The following ZSWIM9 variants were observed in gnomAD, a reference collection of about 807,000 sequenced individuals.
ZSWIM9 encodes zinc finger SWIM-type containing 9, also known as uncharacterized protein ZSWIM9.
ZSWIM9 carries 11 observed loss-of-function variants against 25.0 expected under a neutral mutation model. That is an observed-to-expected ratio of 0.44 (90% CI 0.28 to 0.73). The LOEUF (loss-of-function observed/expected upper bound fraction) is 0.73, where lower values mean the gene tolerates loss of function less well. Among genes scored for constraint, ZSWIM9 ranks in the 30% least tolerant of loss-of-function variants. ZSWIM9 has a pLI of 0.16. For synonymous variants in ZSWIM9, 562 were observed against 582.1 expected (o/e 0.97, Z 0.50); for missense variants, 1,070 against 1,296.5 (o/e 0.83, Z 2.68).
intron 3 of ZSWIM9, among the ~76,000 whole-genome samples, chr19:48,190,911 A>G (rs1308806920): frequency 6.6e-6 from 1 of 152,184 alleles, no homozygotes; most frequent in African/African-American, 2.4e-5. Context: ...TTATGTTGCT[A>G]TGTGCTGAAA....
intron 3 of ZSWIM9, among the ~76,000 whole-genome samples, chr19:48,192,472 A>ATGTATGT (rs1255944064): frequency 2.0e-4 from 5 of 24,990 alleles, no homozygotes; most frequent in Non-Finnish European, 4.0e-4. Context: ...AAAAAAAAAA[A>ATGTATGT]AAAAAAAAAT....
At chr19:48,190,888 G>A (rs2037085569) in intron 3 of ZSWIM9, among the ~76,000 whole-genome samples, 1 of 152,174 alleles carries the variant, frequency 6.6e-6, no homozygotes, top group South Asian at 2.1e-4. Flanking sequence ...AACAGCTGGT[G>A]ACTTGATTTT....
intron 2 of ZSWIM9, among the ~76,000 whole-genome samples, chr19:48,178,865 C>T (rs1167819189): frequency 7.9e-5 from 12 of 152,184 alleles, no homozygotes; most frequent in African/African-American, 2.7e-4. Context: ...TCAGCCACCA[C>T]GCCCAGCCTG....
intron 3 of ZSWIM9, among the ~76,000 whole-genome samples, chr19:48,187,481 A>ATGATTATAT (rs1568579493): frequency 1.6e-5 from 1 of 63,368 alleles, no homozygotes; most frequent in African/African-American, 7.0e-5. Flanking sequence ...TATATATATT[A>ATGATTATAT]TATATTATAT....
Position 48,182,178 on chromosome 19 carries a change from G to A in ZSWIM9, c.276-277G>A, listed in dbSNP as rs2036954278. On this transcript the variant is annotated intron_variant, in intron 2 of 3. Transcript: ENST00000614654. The surrounding 1 kb of genome is among the most constrained non-coding windows in gnomAD (Gnocchi z 4.6). ...TACTGCTTGCCATATTCCAGACACT[G>A]TGTAGGTGCTTTACCTATATTAACT... 2.0e-6 allele frequency: 1 copy of A among 492,074 alleles called. No individual in the cohort carries two copies. The highest frequency in any genetic ancestry group is 3.6e-6 in the Non-Finnish European group (1 of 278,822). 30.5% of individuals were successfully genotyped at this position (492,074 alleles called of 1,614,324 possible). A position where few individuals can be genotyped will look rare whatever the true frequency, so the allele number is the denominator to read the frequency against.
At position 48,194,852 on chromosome 19, in the gene ZSWIM9, C is replaced by T; in HGVS notation, c.788C>T (p.Ala263Val). ...GCGCGCCAGGCTGCCTGCTGCGTGGCGCGCCCGGGCACACCGAGCCTGCTG... is the reference window on the plus strand; with the variant it reads ...GCGCGCCAGGCTGCCTGCTGCGTGGTGCGCCCGGGCACACCGAGCCTGCTG... Reference protein sequence around the residue: ...GRARQAACCVARPGTPSLLRF... With the variant: ...GRARQAACCVVRPGTPSLLRF... Residue 263 changes from alanine (A) to valine (V), a missense_variant, in exon 4 of 4, where the codon GCG (alanine) becomes GTG (valine). By Grantham distance (64) the Ala-to-Val change is moderately conservative. This residue lies in a region of ZSWIM9 where 38 missense variants were observed against 89.7 expected (regional missense o/e 0.42). Coordinates refer to ENST00000614654, the MANE Select transcript of ZSWIM9 (RefSeq NM_199341.4). This position sits in a 1 kb window ranked among gnomAD's most constrained non-coding sequence, Gnocchi z 6.0. 1.5e-6 allele frequency: 2 copies of T among 1,362,038 alleles called. No homozygotes were observed. Among genetic ancestry groups the T allele is most frequent in the Non-Finnish European group, 1.9e-6 (2 of 1,065,752 alleles). The allele number at this position is 1,362,038 out of a possible 1,614,324, so 84.4% of individuals were successfully genotyped here.
chr19:48,196,421 G>T lies in ZSWIM9; in HGVS notation c.2357G>T (p.Ser786Ile), dbSNP rs2037166397. 2 of 1,232,464 alleles carry T rather than the reference G, an allele frequency of 1.6e-6. No homozygotes were observed. Among genetic ancestry groups the T allele is most frequent in the Non-Finnish European group, 2.0e-6 (2 of 988,342 alleles). The allele number at this position is 1,232,464 out of a possible 1,614,324, so 76.3% of individuals were successfully genotyped here. Residue 786 changes from serine (S) to isoleucine (I), a missense_variant, in exon 4 of 4, where the codon AGT (serine) becomes ATT (isoleucine). Physicochemically the swap from Ser to Ile is moderately radical, Grantham distance 142. Transcript: ENST00000614654. ...AGCCCAGAATGGGCAGCGGCGAGGAGTGAACACCTGGCTGCAGGTGACGGC... is the reference window on the plus strand; with the variant it reads ...AGCCCAGAATGGGCAGCGGCGAGGATTGAACACCTGGCTGCAGGTGACGGC... ...EGSPEWAAAR[S>I]EHLAAGDGLQ...
rs1243357264 is a variant in ZSWIM9 at position 48,194,497 on chromosome 19, A to C, written c.589-156A>C. On this transcript the variant is annotated intron_variant, in intron 3 of 3. Transcript: ENST00000614654. The surrounding 1 kb of genome is among the most constrained non-coding windows in gnomAD (Gnocchi z 6.0). ...AGAGTGTTTTTAACCATTTCCCTGC[A>C]CTGCCTCCTGCCGGTCAAAAGAATA... 6.6e-6 allele frequency among the ~76,000 whole-genome samples: 1 copy of C among 152,206 alleles called. No homozygotes were observed. Among genetic ancestry groups the C allele is most frequent in the African/African-American group, 2.4e-5 (1 of 41,462 alleles).
chr19:48,172,990 CAG>C (rs1162692271), intron 2 of ZSWIM9, among the ~76,000 whole-genome samples: 4 of 152,062 alleles, frequency 2.6e-5, no homozygotes, highest in African/African-American at 9.7e-5. Flanking sequence ...GACTGGGAGA[CAG>C]AGACTGGGAG....
At chr19:48,181,036 C>T (rs2036943809) in intron 2 of ZSWIM9, 1 of 151,878 alleles carries the variant, frequency 6.6e-6, no homozygotes, top group African/African-American at 2.4e-5. Context: ...ATCCGTCCCC[C>T]CTCAGCCTCC....
intron 2 of ZSWIM9, among the ~76,000 whole-genome samples, chr19:48,175,267 A>G (rs1452565747): frequency 2.6e-5 from 4 of 152,240 alleles, no homozygotes; most frequent in Middle Eastern, 3.4e-3. Context: ...GGCCCTGGGT[A>G]CACTCCTGGG....
At chr19:48,173,491 G>A (rs1198275653) in intron 2 of ZSWIM9, among the ~76,000 whole-genome samples, 2 of 152,146 alleles carry the variant, frequency 1.3e-5, no homozygotes, top group East Asian at 1.9e-4. Context: ...TAGAGATGGG[G>A]TGTCACCATG....
intron 2 of ZSWIM9, among the ~76,000 whole-genome samples, chr19:48,179,418 C>T (rs2036925288): frequency 6.6e-6 from 1 of 152,070 alleles, no homozygotes; most frequent in South Asian, 2.1e-4. Context: ...AAGTGATCCT[C>T]CTGCCTCAGC....
At chr19:48,193,776 G>T (rs1047132500) in intron 3 of ZSWIM9, among the ~76,000 whole-genome samples, 1 of 152,198 alleles carries the variant, frequency 6.6e-6, no homozygotes, top group African/African-American at 2.4e-5. Flanking sequence ...TATGTACCAG[G>T]CAATGTTCTA....
chr19:48,176,039 G>A (rs1258884376), intron 2 of ZSWIM9, among the ~76,000 whole-genome samples: 1 of 152,064 alleles, frequency 6.6e-6, no homozygotes, highest in Non-Finnish European at 1.5e-5. Context: ...AACCCTGTCT[G>A]TACTAAAAAT....
Position 48,195,661 on chromosome 19 carries a change from C to T in ZSWIM9, c.1597C>T (p.Pro533Ser). Residue 533 changes from proline (P) to serine (S), a missense_variant, in exon 4 of 4, where the codon CCG (proline) becomes TCG (serine). Around this residue, in one of 4 missense-constraint regions of ZSWIM9, gnomAD observed 583 missense variants for 624.7 expected, o/e 0.93. Coordinates refer to ENST00000614654, the MANE Select transcript of ZSWIM9 (RefSeq NM_199341.4). This position sits in a 1 kb window ranked among gnomAD's most constrained non-coding sequence, Gnocchi z 5.8. ...WRGGRLENQK[P>S]RGLEGGVLRG... ...AGGGGGTCGGTTGGAGAATCAGAAG[C>T]CGAGGGGACTGGAAGGGGGTGTCTT... 5 of 1,427,668 alleles carry T rather than the reference C, an allele frequency of 3.5e-6. No individual in the cohort carries two copies. Among genetic ancestry groups the T allele is most frequent in the Non-Finnish European group, 3.6e-6 (4 of 1,097,568 alleles). The allele number at this position is 1,427,668 out of a possible 1,614,324, so 88.4% of individuals were successfully genotyped here.
At chr19:48,192,470 A>AGT (rs1568582364) in intron 3 of ZSWIM9, among the ~76,000 whole-genome samples, 6 of 25,646 alleles carry the variant, frequency 2.3e-4, no homozygotes, top group African/African-American at 6.3e-4. Context: ...AAAAAAAAAA[A>AGT]AAAAAAAAAA....
In ZSWIM9 at chr19:48,182,301, T is replaced by A. The variant is rs2036955361; in HGVS notation, c.276-154T>A. 1 of 656,068 alleles carries A rather than the reference T, an allele frequency of 1.5e-6. No individual in the cohort carries two copies. Among genetic ancestry groups the A allele is most frequent in the Admixed American group, 3.0e-5 (1 of 33,850 alleles). The allele number at this position is 656,068 out of a possible 1,614,324, so 40.6% of individuals were successfully genotyped here. A position where few individuals can be genotyped will look rare whatever the true frequency, so the allele number is the denominator to read the frequency against. ...TGAGGCATAGAGACTTGAAGTGACT[T>A]GCCCCAGGTCACACAGCTGGCATAT... On this transcript the variant is annotated intron_variant, in intron 2 of 3. Transcript: ENST00000614654. The surrounding 1 kb of genome is among the most constrained non-coding windows in gnomAD (Gnocchi z 4.6).
chr19:48,180,787 C>T (rs1262982838), intron 2 of ZSWIM9: 7 of 139,280 alleles, frequency 5.0e-5, no homozygotes, highest in African/African-American at 1.9e-4. Flanking sequence ...GACAGGGTCT[C>T]GCTCTGTCAC....
Sources: gnomAD v4.1 joint callset for allele counts (sites outside exome capture counted in the v4.1 genomes callset) on GRCh38, gnomAD v4.1.1 for gene constraint, gnomAD v4.1.1 regional missense constraint, Gnocchi (gnomAD v3.1) non-coding constraint, MANE v1.5 for transcripts, NCBI Gene and HGNC (gene_info 2026-07-23, HGNC 2026-07-21) for gene names.